CUX1: variants seen among roughly 807,000 people sequenced by gnomAD.
The protein encoded by CUX1 is protein CASP.
Under a neutral mutation model 158.8 loss-of-function variants are expected in CUX1, and 31 were observed. That is an observed-to-expected ratio of 0.20 (90% CI 0.15 to 0.26). The LOEUF (loss-of-function observed/expected upper bound fraction) is 0.26. Among genes scored for constraint, CUX1 ranks in the 10% least tolerant of loss-of-function variants. The probability of loss-of-function intolerance (pLI) is 1.00; values close to 1 mark genes in which losing one functional copy is unlikely to be tolerated. For synonymous variants in CUX1, 879 were observed against 862.1 expected (o/e 1.02, Z -0.34); for missense variants, 1,589 against 2,014.6 (o/e 0.79, Z 4.04).
chr7:101,874,161 T>C (rs1210982563), intron 1 of CUX1, among the ~76,000 whole-genome samples: 2 of 152,352 alleles, frequency 1.3e-5, no homozygotes, highest in African/African-American at 2.4e-5. Context: ...TCTGGCTTAA[T>C]TGAATTCGGA....
intron 1 of CUX1, among the ~76,000 whole-genome samples, chr7:101,904,996 C>T (rs1048659135): frequency 1.3e-5 from 2 of 152,160 alleles, no homozygotes; most frequent in African/African-American, 4.8e-5. Flanking sequence ...ACTTAATCCT[C>T]ATAGCAGCTC....
At chr7:102,168,928 C>CTTTTTTTT (rs1343334279) in intron 9 of CUX1, among the ~76,000 whole-genome samples, 1 of 34,094 alleles carries the variant, frequency 2.9e-5, no homozygotes, top group African/African-American at 2.2e-4. Flanking sequence ...CTTTTCTTTT[C>CTTTTTTTT]TTTTATTTTC....
chr7:102,056,906 G>GTT (rs1253418455), intron 3 of CUX1, among the ~76,000 whole-genome samples: 1 of 77,656 alleles, frequency 1.3e-5, no homozygotes, highest in East Asian at 1.9e-3. Context: ...TTTGTTTTCT[G>GTT]GTTTTTTTTT....
chr7:102,278,388 G>A (rs1791762652), intron 18 of CUX1, among the ~76,000 whole-genome samples: 3 of 151,936 alleles, frequency 2.0e-5, no homozygotes, highest in African/African-American at 4.8e-5. Flanking sequence ...TCAGAAGTTC[G>A]AGACCAGCCT....
At chr7:102,223,124 T>C (rs1379092125) in intron 20 of CUX1, among the ~76,000 whole-genome samples, 1 of 151,510 alleles carries the variant, frequency 6.6e-6, no homozygotes, top group Non-Finnish European at 1.5e-5. Context: ...ATTTTACCTG[T>C]GTAAAATGTG....
rs1554512809 is a variant in CUX1 at position 102,178,569 on chromosome 7, A to G, written c.929A>G (p.Gln310Arg). 3 of 1,612,922 alleles carry G rather than the reference A, an allele frequency of 1.9e-6. No homozygotes were observed. The highest frequency in any genetic ancestry group is 2.5e-6 in the Non-Finnish European group (3 of 1,179,524). ...AQLVEDVQRL[Q>R]ASLTKLRENS... is the part of the protein sequence containing the mutation. ...CTGGTGGAGGACGTGCAGAGACTCC[A>G]GGCCAGCCTCACCAAGCTGCGGGAG... Residue 310 changes from glutamine (Q) to arginine (R), a missense_variant, in exon 11 of 24, where the codon CAG becomes CGG. Gln to Arg is a conservative substitution (Grantham distance 43). Transcript: ENST00000292535.
intron 8 of CUX1, among the ~76,000 whole-genome samples, chr7:102,155,858 C>T (rs1046380415): frequency 1.7e-4 from 26 of 152,278 alleles, no homozygotes; most frequent in African/African-American, 6.3e-4. Context: ...GACCCTTCCC[C>T]ACTCCCTGCA....
downstream of CUX1, among the ~76,000 whole-genome samples, chr7:102,259,260 G>A (rs1050510469): frequency 1.2e-4 from 19 of 152,178 alleles, no homozygotes; most frequent in African/African-American, 4.3e-4. Flanking sequence ...TGCCCAAAAT[G>A]CTGGTCCCCT....
chr7:101,904,969 A>G (rs1472534183), intron 1 of CUX1, among the ~76,000 whole-genome samples: 2 of 152,186 alleles, frequency 1.3e-5, no homozygotes, highest in Non-Finnish European at 2.9e-5. Context: ...CGCTCATTGC[A>G]CTGGGCGTTT....
At chr7:102,025,498 C>T (rs1222011898) in intron 2 of CUX1, among the ~76,000 whole-genome samples, 1 of 151,992 alleles carries the variant, frequency 6.6e-6, no homozygotes, top group Admixed American at 6.6e-5. Context: ...TGTGGTGGCG[C>T]ATGCCTGTGG....
chr7:101,997,220 C>T (rs542414952), intron 2 of CUX1, among the ~76,000 whole-genome samples: 7 of 152,312 alleles, frequency 4.6e-5, no homozygotes, highest in Admixed American at 2.0e-4. Context: ...GTGGGGAAAG[C>T]GGTAGTGTGG....
intron 8 of CUX1, among the ~76,000 whole-genome samples, chr7:102,150,863 C>G (rs782382352): frequency 6.6e-6 from 1 of 152,164 alleles, no homozygotes; most frequent in African/African-American, 2.4e-5. Context: ...AGCATAATAC[C>G]GGGCAGGTTA....
At chr7:102,049,666 C>G (rs1178834098) in intron 3 of CUX1, among the ~76,000 whole-genome samples, 1 of 151,890 alleles carries the variant, frequency 6.6e-6, no homozygotes, top group Non-Finnish European at 1.5e-5. Context: ...ATAGTGAGAT[C>G]CCATCTCTAC....
chr7:101,816,960 C>T, upstream of CUX1: 1 of 983,426 alleles, frequency 1.0e-6, no homozygotes, highest in Non-Finnish European at 1.2e-6. Context: ...GCCCCGGGGC[C>T]ACCCGCGCAC....
rs1184531990 is a variant in CUX1, at chr7:101,916,540, C to G, written c.141+315C>G. 6.6e-6 allele frequency: 2 copies of G among 302,064 alleles called. No individual in the cohort carries two copies. Among genetic ancestry groups the G allele is most frequent in the African/African-American group, 2.2e-5 (1 of 46,254 alleles). The allele number at this position is 302,064 out of a possible 1,614,324, so 18.7% of individuals were successfully genotyped here. On this transcript the variant is annotated intron_variant, in intron 2 of 23. Coordinates refer to ENST00000292535, the MANE Select transcript of CUX1 (RefSeq NM_181552.4). The surrounding 1 kb of genome is among the most constrained non-coding windows in gnomAD (Gnocchi z 4.4). ...GGTGTCTCAGACCCTCGAGCTCATC[C>G]CAGACCCTGTCCCATGTCAGTTAGC...
At position 102,251,669 on chromosome 7, in the gene CUX1, C is replaced by G. The variant is rs1801519620; in HGVS notation, c.*2627C>G. The G allele has an allele frequency of 1.0e-6, 1 of 985,260 alleles. No individual in the cohort carries two copies. The highest frequency in any genetic ancestry group is 4.7e-5 in the South Asian group (1 of 21,292). 61.0% of individuals were successfully genotyped at this position (985,260 alleles called of 1,614,324 possible). A position where few individuals can be genotyped will look rare whatever the true frequency, so the allele number is the denominator to read the frequency against. On this transcript the variant is annotated 3_prime_UTR_variant, in exon 24 of 24. Transcript: ENST00000292535. ...GAAGAGTGAGTTCACATCGGTGACC[C>G]TTAGGACAGTGAGTGGCAGAGCCCT... is the stretch of plus-strand genomic sequence containing the variant.
intron 11 of CUX1, chr7:102,188,880 G>C (rs1158386706): frequency 1.3e-5 from 2 of 151,136 alleles, no homozygotes; most frequent in Admixed American, 6.6e-5. Flanking sequence ...TCAATCCCCA[G>C]TGAGCTCACA....
chr7:101,946,135 TAGA>T (rs925103313), intron 2 of CUX1, among the ~76,000 whole-genome samples: 1 of 151,686 alleles, frequency 6.6e-6, no homozygotes, highest in African/African-American at 2.4e-5. Context: ...ACAGACAGAG[TAGA>T]AGAACCAAAA....
At chr7:101,919,575 G>A (rs1040094171) in intron 2 of CUX1, among the ~76,000 whole-genome samples, 4 of 152,186 alleles carry the variant, frequency 2.6e-5, no homozygotes, top group Non-Finnish European at 4.4e-5. Context: ...GGCTGGTGGT[G>A]TTCCTGCTGG....
Sources: gnomAD v4.1 joint callset for allele counts (sites outside exome capture counted in the v4.1 genomes callset) on GRCh38, gnomAD v4.1.1 for gene constraint, Gnocchi (gnomAD v3.1) non-coding constraint, MANE v1.5 for transcripts, NCBI Gene and HGNC (gene_info 2026-07-23, HGNC 2026-07-21) for gene names.